Variants in BCL7B observed in about 807,000 individuals in gnomAD.
The protein encoded by BCL7B is BAF chromatin remodeling complex subunit BCL7B, also known as B-cell CLL/lymphoma 7 protein family member B.
BCL7B carries 11 observed loss-of-function variants against 26.5 expected under a neutral mutation model. The ratio of observed to expected loss-of-function variants is 0.42; its 90% CI spans 0.26 to 0.69. The LOEUF is 0.69. BCL7B is among the 30% of genes least tolerant of loss of function. The pLI is 0.28. For missense variants in BCL7B, 215 were observed against 264.4 expected (o/e 0.81, Z 1.30); for synonymous variants, 111 against 107.9 (o/e 1.03, Z -0.18).
intron 4 of BCL7B, among the ~76,000 whole-genome samples, chr7:73,539,484 T>G (rs1483692188): frequency 6.6e-6 from 1 of 151,898 alleles, no homozygotes; most frequent in Non-Finnish European, 1.5e-5. Context: ...ACTCCTGGCC[T>G]CAAGTGACCC....
chr7:73,552,105 AAAG>A, intron 2 of BCL7B, 59 bp downstream of exon 2: 4 of 1,429,940 alleles, frequency 2.8e-6, no homozygotes, highest in East Asian at 4.6e-5. Flanking sequence ...AAAAAAAAAA[AAAG>A]AGGCAATCAA....
chr7:73,557,242 C>T, intron 1 of BCL7B: 1 of 1,098,792 alleles, frequency 9.1e-7, no homozygotes, highest in Non-Finnish European at 1.1e-6. Flanking sequence ...GGAATCCCCT[C>T]CCAGGCGGCG....
chr7:73,555,080 A>G (rs1254801637), intron 1 of BCL7B, among the ~76,000 whole-genome samples: 4 of 152,100 alleles, frequency 2.6e-5, no homozygotes, highest in African/African-American at 9.7e-5. Context: ...AGGTTCAACC[A>G]TATCAAATTG....
chr7:73,537,609 C>T (rs548520022), intron 5 of BCL7B, among the ~76,000 whole-genome samples: 2 of 152,224 alleles, frequency 1.3e-5, no homozygotes, highest in African/African-American at 2.4e-5. Context: ...GAAGCCTGGC[C>T]GGGCACAGTG....
At chr7:73,549,452 G>A (rs1454218899) in intron 2 of BCL7B, among the ~76,000 whole-genome samples, 1 of 152,192 alleles carries the variant, frequency 6.6e-6, no homozygotes, top group Non-Finnish European at 1.5e-5. Context: ...GCTGAGATAA[G>A]ATCCCTTGAG....
At chr7:73,546,824 T>A in intron 2 of BCL7B, among the ~76,000 whole-genome samples, 1 of 152,174 alleles carries the variant, frequency 6.6e-6, no homozygotes, top group East Asian at 1.9e-4. Flanking sequence ...AAACTCAGAA[T>A]GCACCAGGAA....
At chr7:73,537,450 C>A (rs1477692268) in intron 5 of BCL7B, 60 bp from the exon 6 acceptor site, 12 of 1,305,460 alleles carry the variant, frequency 9.2e-6, no homozygotes, top group Non-Finnish European at 1.3e-5. Flanking sequence ...ACCTTCCCAC[C>A]CACCCGAATT....
At chr7:73,544,261 A>G (rs754528860) in intron 2 of BCL7B, among the ~76,000 whole-genome samples, 2 of 152,050 alleles carry the variant, frequency 1.3e-5, no homozygotes, top group African/African-American at 2.4e-5. Context: ...TCTCTACTAA[A>G]AATACAAAAA....
intron 4 of BCL7B, among the ~76,000 whole-genome samples, chr7:73,538,477 A>G (rs1791624887): frequency 1.3e-5 from 2 of 152,158 alleles, no homozygotes; most frequent in African/African-American, 4.8e-5. Flanking sequence ...AGCACAGGAG[A>G]AGGTAACAAG....
At chr7:73,545,044 C>A (rs1791903659) in intron 2 of BCL7B, among the ~76,000 whole-genome samples, 1 of 151,460 alleles carries the variant, frequency 6.6e-6, no homozygotes, top group South Asian at 2.1e-4. Flanking sequence ...CACAGTTAGA[C>A]CCTAACTCAA....
chr7:73,553,692 A>G (rs1270221032), intron 1 of BCL7B: 1 of 154,356 alleles, frequency 6.5e-6, no homozygotes, highest in Admixed American at 6.6e-5. Flanking sequence ...AAGAAAGAAA[A>G]CTAGTCTAAA....
intron 2 of BCL7B, among the ~76,000 whole-genome samples, chr7:73,547,935 T>C (rs782330772): frequency 2.6e-5 from 4 of 152,018 alleles, no homozygotes; most frequent in African/African-American, 4.8e-5. Flanking sequence ...CTGGCCAACA[T>C]CATGAAACCC....
At chr7:73,544,192 G>C (rs933602589) in intron 2 of BCL7B, among the ~76,000 whole-genome samples, 8 of 151,992 alleles carry the variant, frequency 5.3e-5, no homozygotes, top group Admixed American at 1.3e-4. Context: ...AGGCCAAGAC[G>C]CATGGATCAC....
Position 73,557,470 on chromosome 7 carries a change from A to G in BCL7B, c.92+17T>C, listed in dbSNP as rs781869497. Reference sequence around the variant, plus strand: ...GATCCGCGACCCCCGCCAGCCCCCTAAGCTCCGGCCCCTCACCATTTCCGC... The same window carrying G: ...GATCCGCGACCCCCGCCAGCCCCCTGAGCTCCGGCCCCTCACCATTTCCGC... On this transcript the variant is annotated intron_variant, in intron 1 of 5. Transcript: ENST00000223368. 3.6e-6 allele frequency: 5 copies of G among 1,371,790 alleles called. No individual in the cohort carries two copies. The highest frequency in any genetic ancestry group is 4.8e-6 in the Non-Finnish European group (5 of 1,049,444). 85.0% of individuals were successfully genotyped at this position (1,371,790 alleles called of 1,614,324 possible). A position where few individuals can be genotyped will look rare whatever the true frequency, so the allele number is the denominator to read the frequency against.
At chr7:73,549,456 C>T (rs538302191) in intron 2 of BCL7B, among the ~76,000 whole-genome samples, 34 of 152,200 alleles carry the variant, frequency 2.2e-4, no homozygotes, top group Non-Finnish European at 3.4e-4. Flanking sequence ...AGATAAGATC[C>T]CTTGAGCCCA....
At chr7:73,554,223 G>A (rs570588806) in intron 1 of BCL7B, among the ~76,000 whole-genome samples, 15 of 151,714 alleles carry the variant, frequency 9.9e-5, no homozygotes, top group East Asian at 5.9e-4. Flanking sequence ...TCAGCCTCTC[G>A]AAGTGCTGGG....
chr7:73,554,824 T>C (rs1792304305), intron 1 of BCL7B, among the ~76,000 whole-genome samples: 1 of 147,962 alleles, frequency 6.8e-6, no homozygotes, highest in African/African-American at 2.5e-5. Context: ...ACAGATGACA[T>C]ACTGGGAGTG....
chr7:73,546,797 G>A (rs1288519075), intron 2 of BCL7B, among the ~76,000 whole-genome samples: 1 of 152,144 alleles, frequency 6.6e-6, no homozygotes, highest in Non-Finnish European at 1.5e-5. Context: ...AGATTAATGA[G>A]CAAAAACTGC....
In BCL7B at chr7:73,540,089, T is replaced by C. The variant is rs1044702745; in HGVS notation, c.266-37A>G. On this transcript the variant is annotated intron_variant, in intron 3 of 5. Transcript: ENST00000223368. ...ACAGAACAAAGGCAGCAGCTGAGCG[T>C]GGTCATTTTCCTCAAGAGGAACTCT... is the stretch of plus-strand genomic sequence containing the variant. 3 of 1,595,506 alleles carry C rather than the reference T, an allele frequency of 1.9e-6. No homozygotes were observed. The East Asian group carries it at 6.7e-5, about 36-fold the overall frequency.
Sources: allele counts gnomAD v4.1 joint callset (sites outside exome capture counted in the v4.1 genomes callset), GRCh38; gene constraint gnomAD v4.1.1; transcripts MANE v1.5; gene names NCBI Gene and HGNC (gene_info 2026-07-23, HGNC 2026-07-21).